The following CPEB1 variants were observed in gnomAD, a reference collection of about 807,000 sequenced individuals.
CPEB1 encodes the protein cytoplasmic polyadenylation element binding protein 1, also known as cytoplasmic polyadenylation element-binding protein 1.
In CPEB1, 7 loss-of-function variants were observed where a neutral mutation model predicts 65.8. That is an observed-to-expected ratio of 0.11 (90% CI 0.06 to 0.20). The LOEUF (loss-of-function observed/expected upper bound fraction) is 0.20. Ranked by LOEUF, CPEB1 falls within the 10% of genes least tolerant of loss-of-function variation. The pLI is 1.00. For missense variants in CPEB1, 551 were observed against 712.2 expected (o/e 0.77, Z 2.58); for synonymous variants, 262 against 260.0 (o/e 1.01, Z -0.08).
At chr15:82,577,625 C>T (rs1465130247) in intron 3 of CPEB1, among the ~76,000 whole-genome samples, 1 of 152,116 alleles carries the variant, frequency 6.6e-6, no homozygotes, top group Admixed American at 6.5e-5. Context: ...AGAGATTTTC[C>T]TACCTCAGCC....
At chr15:82,568,652 T>G (rs574368197) in intron 4 of CPEB1, among the ~76,000 whole-genome samples, 1 of 152,302 alleles carries the variant, frequency 6.6e-6, no homozygotes, top group South Asian at 2.1e-4. Context: ...TGTACCAGCC[T>G]AAAGCTAAGA....
At chr15:82,644,014 A>G (rs1002086775) in intron 1 of CPEB1, among the ~76,000 whole-genome samples, 19 of 152,160 alleles carry the variant, frequency 1.2e-4, no homozygotes, top group Non-Finnish European at 2.6e-4. Flanking sequence ...ACTGTCCTGA[A>G]AAAAAGGAGC....
At chr15:82,555,834 G>A in intron 6 of CPEB1, 36 bp downstream of exon 6, 6 of 1,581,064 alleles carry the variant, frequency 3.8e-6, no homozygotes, top group Non-Finnish European at 4.3e-6. Context: ...CCCAAAATGA[G>A]GCCTCAGGCC....
At chr15:82,557,706 G>T (rs1262355113) in intron 5 of CPEB1, 54 bp downstream of exon 5, 6 of 1,494,764 alleles carry the variant, frequency 4.0e-6, no homozygotes, top group Non-Finnish European at 5.6e-6. Context: ...CTTCCCCTTG[G>T]ACACACACAG....
intron 4 of CPEB1, among the ~76,000 whole-genome samples, chr15:82,558,748 G>A (rs889589874): frequency 6.6e-6 from 1 of 152,142 alleles, no homozygotes; most frequent in Non-Finnish European, 1.5e-5. Flanking sequence ...TCAATAATTA[G>A]ATACCAGATG....
chr15:82,590,660 C>T lies in CPEB1; in HGVS notation c.272-19128G>A, dbSNP rs138532974. Among the ~76,000 whole-genome samples the T allele has an allele frequency of 2.5e-3, 379 of 152,264 alleles. 1 individual carries two copies. The highest frequency in any genetic ancestry group is 0.02 in the Middle Eastern group (6 of 294). ...TCCTCTCCCTTCTCCCACCCAACATCCTCAAATGGGCACCCAACACCCTCA... is the reference window on the plus strand; with the variant it reads ...TCCTCTCCCTTCTCCCACCCAACATTCTCAAATGGGCACCCAACACCCTCA... On this transcript the variant is annotated intron_variant, in intron 3 of 12. Transcript: ENST00000684509.
At chr15:82,640,524 C>G (rs958684189) in intron 1 of CPEB1, 2 of 152,118 alleles carry the variant, frequency 1.3e-5, no homozygotes, top group Middle Eastern at 3.5e-3. Flanking sequence ...CCTAGAATGT[C>G]CTTCCCACTC....
In CPEB1 at chr15:82,559,957, G is replaced by A. The variant is rs140765601; in HGVS notation, c.461-1971C>T. ...AAATTAGCCAGGCGTGAAAGTGCAC[G>A]CCTGTAATCCCAGCTACTCGGGAAG... On this transcript the variant is annotated intron_variant, in intron 4 of 12. Transcript: ENST00000684509. Among the ~76,000 whole-genome samples, 482 of 152,250 alleles carry A rather than the reference G, an allele frequency of 3.2e-3. 2 individuals are homozygous for A. Among genetic ancestry groups the A allele is most frequent in the East Asian group, 8.1e-3 (42 of 5,184 alleles).
chr15:82,564,313 T>C (rs2038759486), intron 4 of CPEB1, among the ~76,000 whole-genome samples: 1 of 151,860 alleles, frequency 6.6e-6, no homozygotes. Context: ...TGAGACGGAG[T>C]CTCGCTCTGT....
intron 4 of CPEB1, among the ~76,000 whole-genome samples, chr15:82,565,221 C>T (rs542086115): frequency 6.6e-6 from 1 of 152,302 alleles, no homozygotes; most frequent in Non-Finnish European, 1.5e-5. Context: ...AATTGTACCT[C>T]TATAGGGTCT....
At chr15:82,585,005 A>G (rs984001504) in intron 3 of CPEB1, among the ~76,000 whole-genome samples, 4 of 150,590 alleles carry the variant, frequency 2.7e-5, no homozygotes, top group Admixed American at 1.3e-4. Flanking sequence ...AAACTTGAGT[A>G]GTTTTTGCAG....
At chr15:82,565,646 A>C (rs1430727711) in intron 4 of CPEB1, among the ~76,000 whole-genome samples, 1 of 152,204 alleles carries the variant, frequency 6.6e-6, no homozygotes, top group Non-Finnish European at 1.5e-5. Context: ...CCAAATGTCA[A>C]GTATTAACCT....
At position 82,555,983 on chromosome 15, in the gene CPEB1, C is replaced by A; in HGVS notation, c.827G>T (p.Ser276Ile). ...ALAAVTPSPT[S>I]ASKRWPGASV... ...AGCTCCTGGCCATCTCTTTGAAGCA[C>A]TGGTTGGGGAGGGAGTGACTGCAGC... Residue 276 changes from serine to isoleucine, a missense_variant, in exon 6 of 13, where the codon AGT becomes ATT. This residue lies in a region of CPEB1 where 128 missense variants were observed against 129.1 expected (regional missense o/e 0.99). Transcript: ENST00000684509. 6.2e-7 allele frequency: 1 copy of A among 1,613,864 alleles called. No homozygotes were observed. The highest frequency in any genetic ancestry group is 1.1e-5 in the South Asian group (1 of 91,004).
intron 1 of CPEB1, among the ~76,000 whole-genome samples, chr15:82,642,922 C>T (rs979727867): frequency 6.6e-6 from 1 of 152,186 alleles, no homozygotes. Flanking sequence ...CTGTCTCAAA[C>T]TGTAAGCCAA....
chr15:82,621,762 T>C (rs2045323864), intron 3 of CPEB1, among the ~76,000 whole-genome samples: 1 of 152,236 alleles, frequency 6.6e-6, no homozygotes, highest in South Asian at 2.1e-4. Context: ...TCGCCTATGA[T>C]ACAGCATGTA....
At chr15:82,571,954 C>A in intron 3 of CPEB1, 1 of 721,648 alleles carries the variant, frequency 1.4e-6, no homozygotes, top group Non-Finnish European at 1.7e-6. Context: ...GGTGCAGTGC[C>A]GTTAAGTCTG....
chr15:82,621,182 G>A (rs754227262), intron 3 of CPEB1, among the ~76,000 whole-genome samples: 5 of 152,142 alleles, frequency 3.3e-5, no homozygotes, highest in Non-Finnish European at 7.3e-5. Context: ...AGTACAATAA[G>A]AAGTGAAACC....
chr15:82,592,483 T>C (rs1172323329), intron 3 of CPEB1, among the ~76,000 whole-genome samples: 2 of 147,738 alleles, frequency 1.4e-5, no homozygotes, highest in African/African-American at 2.5e-5. Context: ...GAGCTTGAGG[T>C]GGAAGGATGG....
At chr15:82,629,892 C>T (rs571152885) in intron 1 of CPEB1, 43 of 985,250 alleles carry the variant, frequency 4.4e-5, no homozygotes, top group Non-Finnish European at 5.2e-5. Context: ...TTGAGCCTCA[C>T]GTCAGCCTCA....
Sources: gnomAD v4.1 joint callset for allele counts (sites outside exome capture counted in the v4.1 genomes callset) on GRCh38, gnomAD v4.1.1 for gene constraint, gnomAD v4.1.1 regional missense constraint, MANE v1.5 for transcripts, NCBI Gene and HGNC (gene_info 2026-07-23, HGNC 2026-07-21) for gene names.